Variants in TMED10 observed in about 807,000 individuals in gnomAD.
TMED10 encodes the protein transmembrane p24 trafficking protein 10, also known as transmembrane emp24 domain-containing protein 10.
In TMED10, 7 loss-of-function variants were observed where a neutral mutation model predicts 23.1. That is an observed-to-expected ratio of 0.30 (90% CI 0.17 to 0.57). TMED10 has a LOEUF of 0.57. TMED10 is among the 20% of genes least tolerant of loss of function. TMED10 has a pLI of 0.91. For missense variants in TMED10, 162 were observed against 274.8 expected (o/e 0.59, Z 2.90); for synonymous variants, 113 against 106.9 (o/e 1.06, Z -0.35).
At chr14:75,168,015 G>C (rs1229794061) in intron 1 of TMED10, among the ~76,000 whole-genome samples, 6 of 152,100 alleles carry the variant, frequency 3.9e-5, no homozygotes, top group Admixed American at 1.3e-4. Flanking sequence ...TATGAAATGA[G>C]TAGGGAAGTA....
chr14:75,135,092 A>G (rs932075787), intron 4 of TMED10, 86 bp from the exon 5 acceptor site: 2 of 1,520,690 alleles, frequency 1.3e-6, no homozygotes, highest in Admixed American at 3.6e-5. Context: ...GGTAAAGGCA[A>G]TTAATTAACT....
chr14:75,171,141 G>A (rs532521023), intron 1 of TMED10, among the ~76,000 whole-genome samples: 42 of 152,260 alleles, frequency 2.8e-4, no homozygotes, highest in African/African-American at 1.0e-3. Context: ...AGGGAGGCAG[G>A]TGAGTAAGAG....
intron 1 of TMED10, among the ~76,000 whole-genome samples, chr14:75,158,449 T>C: frequency 6.6e-6 from 1 of 152,316 alleles, no homozygotes; most frequent in South Asian, 2.1e-4. Context: ...TGCCTCAGTC[T>C]TCCGCGTAGC....
rs1398563354 is a variant in TMED10 at position 75,176,458 on chromosome 14, C to A, written c.122G>T (p.Arg41Leu). The change falls in exon 1 of 5, where the codon CGC becomes CTC. Residue 41 changes from arginine (R) to leucine (L), a missense_variant. Physicochemically the swap from Arg to Leu is moderately radical, Grantham distance 102 (BLOSUM62 -2). Around this residue, in one of 2 missense-constraint regions of TMED10, gnomAD observed 126 missense variants for 239.5 expected, o/e 0.53. Transcript: ENST00000303575. ...AISFHLPINS[R>L]KCLREEIHKD... ...GTGAATCTCCTCACGGAGGCACTTG[C>A]GAGAGTTAATGGGCAGATGGAAGGA... The A allele has an allele frequency of 6.2e-7, 1 of 1,614,064 alleles. No individual in the cohort carries two copies. Among genetic ancestry groups the A allele is most frequent in the Non-Finnish European group, 8.5e-7 (1 of 1,180,042 alleles).
intron 1 of TMED10, among the ~76,000 whole-genome samples, chr14:75,162,355 G>C (rs559147141): frequency 7.9e-5 from 12 of 152,294 alleles, no homozygotes; most frequent in Admixed American, 2.0e-4. Context: ...GCTCCCAATA[G>C]CTAAAGCTGA....
intron 1 of TMED10, among the ~76,000 whole-genome samples, chr14:75,161,820 T>TA (rs563307543): frequency 0.011 from 1,465 of 137,322 alleles, 20 homozygotes; most frequent in Admixed American, 0.034. Flanking sequence ...CAACTGCATT[T>TA]AAAAAAAAAA....
At chr14:75,161,830 A>C (rs928690173) in intron 1 of TMED10, among the ~76,000 whole-genome samples, 19 of 152,042 alleles carry the variant, frequency 1.2e-4, no homozygotes, top group Admixed American at 2.0e-4. Flanking sequence ...TAAAAAAAAA[A>C]AAAAAGGTAC....
At chr14:75,142,983 C>T (rs1446496098) in intron 3 of TMED10, among the ~76,000 whole-genome samples, 4 of 152,024 alleles carry the variant, frequency 2.6e-5, no homozygotes, top group Non-Finnish European at 4.4e-5. Context: ...CTCAGCTTCC[C>T]GAGTAGCTGG....
intron 1 of TMED10, among the ~76,000 whole-genome samples, chr14:75,174,957 T>C (rs1406078877): frequency 1.3e-5 from 2 of 148,674 alleles, no homozygotes; most frequent in African/African-American, 2.5e-5. Flanking sequence ...GGAGAATTGC[T>C]TGAAACCGGG....
chr14:75,147,843 G>A, intron 2 of TMED10, 106 bp from the exon 3 acceptor site: 2 of 986,052 alleles, frequency 2.0e-6, no homozygotes, highest in Admixed American at 5.3e-5. Context: ...CCTCTCAATA[G>A]AGGGAAACAG....
In TMED10 at chr14:75,135,008, T is replaced by TAA; in HGVS notation, c.539-4_539-3dup. The TAA allele has an allele frequency of 1.3e-6, 2 of 1,522,528 alleles. No individual in the cohort carries two copies. The highest frequency in any genetic ancestry group is 1.4e-5 in the African/African-American group (1 of 72,730). 94.3% of individuals were successfully genotyped at this position (1,522,528 alleles called of 1,614,324 possible). ...ATAGGACCCGAGTGTTTGTTGACTC[T>TAA]AAAAAAAAACAAAAGCATTGTAAAC... On this transcript the variant is annotated splice_polypyrimidine_tract_variant and splice_region_variant and intron_variant, in intron 4 of 4. Coordinates refer to ENST00000303575, the MANE Select transcript of TMED10 (RefSeq NM_006827.6).
At chr14:75,174,674 C>G (rs531473868) in intron 1 of TMED10, among the ~76,000 whole-genome samples, 1 of 152,270 alleles carries the variant, frequency 6.6e-6, no homozygotes, top group East Asian at 1.9e-4. Context: ...AAATAAATTA[C>G]ATGTATTACC....
chr14:75,138,525 G>C (rs1413003184), intron 3 of TMED10, among the ~76,000 whole-genome samples: 1 of 151,968 alleles, frequency 6.6e-6, no homozygotes, highest in East Asian at 1.9e-4. Context: ...CTCATATAGA[G>C]CTGCAGAACA....
chr14:75,136,700 C>CT (rs1417438338), intron 3 of TMED10: 1 of 152,140 alleles, frequency 6.6e-6, no homozygotes, highest in Non-Finnish European at 1.5e-5. Context: ...CCTACAACAA[C>CT]TTTAAGGTTT....
Position 75,163,532 on chromosome 14 carries a change from G to A in TMED10, c.226-11389C>T, listed in dbSNP as rs1049608198. Among the ~76,000 whole-genome samples, 17 of 129,432 alleles carry A rather than the reference G, an allele frequency of 1.3e-4. No homozygotes were observed. The South Asian group carries it at 3.3e-3, about 25-fold the overall frequency. 84.9% of individuals were successfully genotyped at this position (129,432 alleles called of 152,430 possible). A position where few individuals can be genotyped will look rare whatever the true frequency, so the allele number is the denominator to read the frequency against. On this transcript the variant is annotated intron_variant, in intron 1 of 4. Coordinates refer to ENST00000303575, the MANE Select transcript of TMED10 (RefSeq NM_006827.6). ...CTCGCCACTGCACTCCAGCCTGGGCGACAGAGTGAGACTCCGTATCAAAAA... is the reference window on the plus strand; with the variant it reads ...CTCGCCACTGCACTCCAGCCTGGGCAACAGAGTGAGACTCCGTATCAAAAA...
chr14:75,135,124 CAGT>C, intron 4 of TMED10, 118 bp from the exon 5 acceptor site: 1 of 1,309,214 alleles, frequency 7.6e-7, no homozygotes, highest in East Asian at 2.4e-5. Flanking sequence ...CTAGGTCTAA[CAGT>C]AGGATTTCAG....
chr14:75,150,290 C>T (rs967789101), intron 2 of TMED10, among the ~76,000 whole-genome samples: 4 of 152,202 alleles, frequency 2.6e-5, no homozygotes. Flanking sequence ...GTGTTCTGTT[C>T]TCCCAAATCC....
At position 75,151,542 on chromosome 14, in the gene TMED10, T is replaced by C. The variant is rs1895956174; in HGVS notation, c.337+490A>G. On this transcript the variant is annotated intron_variant, in intron 2 of 4. Transcript: ENST00000303575. ...CCTTTTTTTTAAGACTTCACTTTGT[T>C]AGAGCAGTTTTAGGTTCACAACAAA... 2.0e-5 allele frequency among the ~76,000 whole-genome samples: 3 copies of C among 152,168 alleles called. No individual in the cohort carries two copies. In the South Asian group the frequency reaches 6.2e-4, roughly 32 times the overall value.
At chr14:75,170,649 A>T (rs902758248) in intron 1 of TMED10, among the ~76,000 whole-genome samples, 16 of 152,236 alleles carry the variant, frequency 1.1e-4, no homozygotes, top group African/African-American at 3.4e-4. Flanking sequence ...AAATACTTTA[A>T]AAAAAAACCC....
Sources: allele counts gnomAD v4.1 joint callset (sites outside exome capture counted in the v4.1 genomes callset), GRCh38; gene constraint gnomAD v4.1.1; regional missense constraint gnomAD v4.1.1; transcripts MANE v1.5; gene names NCBI Gene and HGNC (gene_info 2026-07-23, HGNC 2026-07-21).